XKR9: variants seen among roughly 807,000 people sequenced by gnomAD.
XKR9 encodes the protein XK-related protein 9.
XKR9 carries 32 observed loss-of-function variants against 32.0 expected under a neutral mutation model. That is an observed-to-expected ratio of 1.00 (90% CI 0.76 to 1.34). The LOEUF is 1.34. Ranked by LOEUF, XKR9 falls within the 40% of genes most tolerant of loss-of-function variation. The pLI is 0.00. For synonymous variants in XKR9, 168 were observed against 143.4 expected (o/e 1.17, Z -1.22); for missense variants, 546 against 429.7 (o/e 1.27, Z -2.39).
chr8:71,039,465 C>T, the XKR9 span, among the ~76,000 whole-genome samples: 2 of 152,034 alleles, frequency 1.3e-5, no homozygotes, highest in African/African-American at 4.8e-5. Flanking sequence ...AAGTGAAAAA[C>T]AAAATGGCTG....
the XKR9 span, among the ~76,000 whole-genome samples, chr8:71,043,856 A>G: frequency 2.8e-4 from 42 of 152,298 alleles, no homozygotes; most frequent in Admixed American, 2.5e-3. Context: ...TGATATATAA[A>G]AAACGTAAAA....
chr8:70,795,100 A>T (rs1807811775), downstream of XKR9, among the ~76,000 whole-genome samples: 1 of 151,990 alleles, frequency 6.6e-6, no homozygotes, highest in Admixed American at 6.6e-5. Flanking sequence ...AGTACCCATT[A>T]GTTATTTCTC....
At chr8:70,753,981 G>A (rs1390527144) in intron 2 of XKR9, among the ~76,000 whole-genome samples, 1 of 43,302 alleles carries the variant, frequency 2.3e-5, no homozygotes, top group African/African-American at 4.8e-5. Context: ...AAATTGTCCC[G>A]TTTGCAGATG....
chr8:70,712,228 T>G (rs1421368614), intron 4 of XKR9, among the ~76,000 whole-genome samples: 1 of 152,102 alleles, frequency 6.6e-6, no homozygotes, highest in Non-Finnish European at 1.5e-5. Flanking sequence ...AAATCAACCC[T>G]TCCACTGAGA....
chr8:71,027,782 G>A, the XKR9 span, among the ~76,000 whole-genome samples: 4 of 48,310 alleles, frequency 8.3e-5, no homozygotes, highest in East Asian at 2.3e-4. Context: ...TTTTTGGCGG[G>A]GGGGGGGGGT....
the XKR9 span, among the ~76,000 whole-genome samples, chr8:71,025,463 C>A: frequency 6.6e-6 from 1 of 152,200 alleles, no homozygotes; most frequent in Non-Finnish European, 1.5e-5. Flanking sequence ...CATATTCTTA[C>A]AATTCGTAAC....
chr8:70,770,471 C>A (rs963115552), intron 2 of XKR9, among the ~76,000 whole-genome samples: 6 of 152,192 alleles, frequency 3.9e-5, no homozygotes, highest in African/African-American at 1.4e-4. Flanking sequence ...CTCTTCAGAG[C>A]CGGCAGGCAG....
At chr8:70,758,242 T>C (rs1175723513) in intron 2 of XKR9, among the ~76,000 whole-genome samples, 1 of 152,110 alleles carries the variant, frequency 6.6e-6, no homozygotes, top group Admixed American at 6.6e-5. Context: ...TGAGTATGCC[T>C]ACAGTTAGCT....
At chr8:70,771,539 G>C (rs1051232020) in intron 2 of XKR9, among the ~76,000 whole-genome samples, 12 of 152,274 alleles carry the variant, frequency 7.9e-5, no homozygotes, top group African/African-American at 2.2e-4. Context: ...TAGTATGTCT[G>C]TAAGGAATGT....
the XKR9 span, among the ~76,000 whole-genome samples, chr8:70,951,441 G>T: frequency 6.6e-6 from 1 of 152,240 alleles, no homozygotes; most frequent in Non-Finnish European, 1.5e-5. Context: ...ATCCCAGGCT[G>T]GGAGGGCCTG....
chr8:70,811,841 C>G, the XKR9 span, among the ~76,000 whole-genome samples: 4 of 152,004 alleles, frequency 2.6e-5, no homozygotes, highest in Non-Finnish European at 2.9e-5. Flanking sequence ...GATGGATTCA[C>G]AGCCGAATTC....
chr8:71,010,746 A>T, the XKR9 span, among the ~76,000 whole-genome samples: 1 of 152,136 alleles, frequency 6.6e-6, no homozygotes, highest in Admixed American at 6.5e-5. Context: ...AAAATCAAAC[A>T]ATCAGTCTTC....
chr8:70,809,271 C>T, the XKR9 span, among the ~76,000 whole-genome samples: 4 of 152,134 alleles, frequency 2.6e-5, no homozygotes, highest in Non-Finnish European at 5.9e-5. Flanking sequence ...ACAGAAAGGA[C>T]ATCCACACCA....
chr8:70,736,177 C>T (rs1320101360), downstream of XKR9, among the ~76,000 whole-genome samples: 1 of 152,066 alleles, frequency 6.6e-6, no homozygotes, highest in Non-Finnish European at 1.5e-5. Flanking sequence ...GAGATGGTAT[C>T]TCATTGTGGT....
chr8:70,864,891 T>C, the XKR9 span, among the ~76,000 whole-genome samples: 1 of 152,136 alleles, frequency 6.6e-6, no homozygotes, highest in Non-Finnish European at 1.5e-5. Context: ...CACCATGTTT[T>C]ATCAAAAACC....
At chr8:70,706,138 C>T (rs1805709142) in intron 3 of XKR9, among the ~76,000 whole-genome samples, 1 of 152,074 alleles carries the variant, frequency 6.6e-6, no homozygotes, top group Non-Finnish European at 1.5e-5. Context: ...GAAACTGAGA[C>T]ATATATAAAG....
the XKR9 span, among the ~76,000 whole-genome samples, chr8:70,978,330 C>T: frequency 6.6e-6 from 1 of 152,142 alleles, no homozygotes; most frequent in Non-Finnish European, 1.5e-5. Flanking sequence ...TCTCTAGCAT[C>T]GATGGTCTTT....
the XKR9 span, among the ~76,000 whole-genome samples, chr8:70,807,327 C>T: frequency 6.6e-6 from 1 of 152,076 alleles, no homozygotes; most frequent in Non-Finnish European, 1.5e-5. Context: ...AATATAAAGG[C>T]CAAGACAATA....
the XKR9 span, among the ~76,000 whole-genome samples, chr8:70,943,165 T>C: frequency 2.6e-5 from 4 of 152,226 alleles, no homozygotes; most frequent in Non-Finnish European, 5.9e-5. Context: ...TATTCAGTAT[T>C]ATCTGCATGG....
Sources: allele counts gnomAD v4.1 joint callset (sites outside exome capture counted in the v4.1 genomes callset), GRCh38; gene constraint gnomAD v4.1.1; transcripts MANE v1.5; gene names NCBI Gene and HGNC (gene_info 2026-07-23, HGNC 2026-07-21).